The following ANKS6 variants were observed in gnomAD, a reference collection of about 807,000 sequenced individuals.
ANKS6 encodes ankyrin repeat and SAM domain-containing protein 6.
Under a neutral mutation model 77.9 loss-of-function variants are expected in ANKS6, and 47 were observed. That is an observed-to-expected ratio of 0.60 (90% CI 0.48 to 0.77). ANKS6 has a LOEUF of 0.77. ANKS6 is among the 30% of genes least tolerant of loss of function. The pLI is 0.00. For missense variants in ANKS6, 1,150 were observed against 1,159.1 expected, an observed-to-expected ratio of 0.99 and a Z score of 0.11; for synonymous variants, 488 against 501.7, an observed-to-expected ratio of 0.97 and a Z score of 0.37.
chr9:98,736,763 A>T, intron 14 of ANKS6, 140 bp from the exon 15 acceptor site: 10 of 1,080,728 alleles, frequency 9.3e-6, no homozygotes, highest in Non-Finnish European at 1.3e-5. Context: ...TACCTAACTG[A>T]AAGAGTACCG....
intron 11 of ANKS6, among the ~76,000 whole-genome samples, chr9:98,760,121 A>C (rs1832932574): frequency 6.6e-6 from 1 of 152,144 alleles, no homozygotes; most frequent in Non-Finnish European, 1.5e-5. Context: ...TCAATGAAAA[A>C]AAATAAAAAT....
At chr9:98,767,426 G>A (rs1457035589) in intron 11 of ANKS6, among the ~76,000 whole-genome samples, 1 of 152,046 alleles carries the variant, frequency 6.6e-6, no homozygotes, top group African/African-American at 2.4e-5. Context: ...CCTCAAACCT[G>A]GGTAGGGCCC....
intron 13 of ANKS6, among the ~76,000 whole-genome samples, chr9:98,749,753 T>C (rs1315540785): frequency 1.3e-5 from 2 of 152,176 alleles, no homozygotes; most frequent in African/African-American, 4.8e-5. Flanking sequence ...TGGCAGACTG[T>C]ATATGGTAGA....
At chr9:98,759,082 T>C (rs1304276238) in intron 11 of ANKS6, among the ~76,000 whole-genome samples, 1 of 152,098 alleles carries the variant, frequency 6.6e-6, no homozygotes, top group Non-Finnish European at 1.5e-5. Flanking sequence ...CAGTAAAAAA[T>C]AGCTCTGTTG....
At chr9:98,745,445 G>T in intron 14 of ANKS6, 114 bp downstream of exon 14, 1 of 968,098 alleles carries the variant, frequency 1.0e-6, no homozygotes, top group Non-Finnish European at 1.6e-6. Flanking sequence ...CTGGGAGGTA[G>T]TGAGTGCTTG....
At chr9:98,742,084 A>G (rs1483134154) in intron 14 of ANKS6, among the ~76,000 whole-genome samples, 1 of 152,212 alleles carries the variant, frequency 6.6e-6, no homozygotes, top group African/African-American at 2.4e-5. Context: ...AGCTAGAAAG[A>G]CACTGCGGGC....
At chr9:98,747,017 G>A (rs1441897359) in intron 13 of ANKS6, among the ~76,000 whole-genome samples, 1 of 152,150 alleles carries the variant, frequency 6.6e-6, no homozygotes, top group Non-Finnish European at 1.5e-5. Context: ...ACCTGGGCAG[G>A]TGCCTTACCT....
At chr9:98,785,854 A>G (rs1196150393) in intron 2 of ANKS6, among the ~76,000 whole-genome samples, 1 of 152,196 alleles carries the variant, frequency 6.6e-6, no homozygotes, top group Non-Finnish European at 1.5e-5. Context: ...TTTTTAGAGT[A>G]AGCTGCCTCT....
At chr9:98,782,070 A>G (rs2118114288) in intron 5 of ANKS6, among the ~76,000 whole-genome samples, 1 of 152,288 alleles carries the variant, frequency 6.6e-6, no homozygotes. Context: ...AATTAAGCTG[A>G]GAAGGCCATC....
chr9:98,790,729 G>T, intron 1 of ANKS6, 123 bp from the exon 2 acceptor site: 2 of 1,340,414 alleles, frequency 1.5e-6, no homozygotes, highest in Non-Finnish European at 2.0e-6. Flanking sequence ...GTCTTATTCT[G>T]GCGCCAGGCA....
intron 2 of ANKS6, among the ~76,000 whole-genome samples, chr9:98,786,619 G>A (rs1014908473): frequency 2.0e-5 from 3 of 152,124 alleles, no homozygotes; most frequent in African/African-American, 4.8e-5. Flanking sequence ...TGGAAAGTAC[G>A]GACACTGCCA....
intron 11 of ANKS6, among the ~76,000 whole-genome samples, chr9:98,762,507 G>A (rs1196759883): frequency 6.6e-6 from 1 of 152,188 alleles, no homozygotes; most frequent in Non-Finnish European, 1.5e-5. Context: ...AGTCTTAGGA[G>A]GAAAACAATC....
chr9:98,782,117 A>G (rs1276092919), intron 5 of ANKS6, among the ~76,000 whole-genome samples: 1 of 152,166 alleles, frequency 6.6e-6, no homozygotes, highest in Non-Finnish European at 1.5e-5. Context: ...AGGGGACTTT[A>G]TGTTTCCACC....
chr9:98,742,141 C>CT (rs1831869503), intron 14 of ANKS6, among the ~76,000 whole-genome samples: 1 of 152,202 alleles, frequency 6.6e-6, no homozygotes, highest in African/African-American at 2.4e-5. Flanking sequence ...TCTGGGGTCT[C>CT]TAATGTGTAC....
Position 98,733,744 on chromosome 9 carries a change from G to C in ANKS6, c.*2775C>G. On this transcript the variant is annotated 3_prime_UTR_variant, in exon 15 of 15. Transcript: ENST00000353234. ...GCATGCTGAAGGTTGTGAGAGGCCT[G>C]TAGCAAAGATGATCGTGTAGCTCGC... 1.0e-6 allele frequency: 1 copy of C among 985,540 alleles called. No individual in the cohort carries two copies. Among genetic ancestry groups the C allele is most frequent in the Non-Finnish European group, 1.2e-6 (1 of 830,000 alleles). 61.0% of individuals were successfully genotyped at this position (985,540 alleles called of 1,614,324 possible).
At chr9:98,762,265 T>A (rs998986585) in intron 11 of ANKS6, among the ~76,000 whole-genome samples, 5 of 152,224 alleles carry the variant, frequency 3.3e-5, no homozygotes, top group Non-Finnish European at 1.5e-5. Flanking sequence ...CTTCTGGATA[T>A]TGACCCGTAT....
intron 12 of ANKS6, among the ~76,000 whole-genome samples, chr9:98,755,436 C>T (rs887098796): frequency 5.3e-5 from 8 of 152,174 alleles, no homozygotes; most frequent in African/African-American, 1.9e-4. Flanking sequence ...CTTTCTTCAT[C>T]TGCCTTTATC....
chr9:98,785,412 C>T (rs887448941), intron 2 of ANKS6, among the ~76,000 whole-genome samples: 1 of 152,238 alleles, frequency 6.6e-6, no homozygotes, highest in Admixed American at 6.5e-5. Flanking sequence ...CATGCTCCCT[C>T]CTCCAAACCT....
rs1833407647 is a variant in ANKS6, at chr9:98,768,152, C to T, written c.2071G>A (p.Gly691Arg). The stretch of plus-strand genomic sequence containing the variant: ...GACGGGCTGGACCCCGGTGCTGGCC[C>T]CACAGGGCTTGACCGATGGCTGGGT... ...QKPSHRSSPVGPAPGSSPSEL... is the reference protein window; with the variant it reads ...QKPSHRSSPVRPAPGSSPSEL... Residue 691 changes from glycine (G) to arginine (R), a missense_variant, in exon 11 of 15, where the codon GGG (glycine) becomes AGG (arginine). By Grantham distance (125) the Gly-to-Arg change is moderately radical. Transcript: ENST00000353234. The T allele has an allele frequency of 6.2e-7, 1 of 1,613,936 alleles. No homozygotes were observed. The highest frequency in any genetic ancestry group is 8.5e-7 in the Non-Finnish European group (1 of 1,180,006).
Sources: allele counts gnomAD v4.1 joint callset (sites outside exome capture counted in the v4.1 genomes callset), GRCh38; gene constraint gnomAD v4.1.1; transcripts MANE v1.5; gene names NCBI Gene and HGNC (gene_info 2026-07-23, HGNC 2026-07-21).